The following CMC1 variants were observed in gnomAD, a reference collection of about 807,000 sequenced individuals.
CMC1 encodes the protein COX assembly mitochondrial protein homolog.
A neutral mutation model predicts 14.1 loss-of-function variants in CMC1; 14 were observed. The ratio of observed to expected loss-of-function variants is 0.99; its 90% CI spans 0.66 to 1.55. The LOEUF is 1.55. Among genes scored for constraint, CMC1 ranks in the 40% most tolerant of loss-of-function variants. CMC1 has a pLI of 0.00. For missense variants in CMC1, 127 were observed against 123.8 expected, an observed-to-expected ratio of 1.03 and a Z score of -0.12; for synonymous variants, 50 against 38.4, an observed-to-expected ratio of 1.30 and a Z score of -1.12.
At chr3:28,264,341 C>T (rs764545171) in intron 2 of CMC1, among the ~76,000 whole-genome samples, 3 of 152,108 alleles carry the variant, frequency 2.0e-5, no homozygotes, top group Non-Finnish European at 2.9e-5. Context: ...ATACTAGGAA[C>T]GCTTTTGTTC....
In CMC1 at chr3:28,283,552, A is replaced by G. The variant is rs1701013564; in HGVS notation, c.109+20172A>G. Among the ~76,000 whole-genome samples, 3 of 29,294 alleles carry G rather than the reference A, an allele frequency of 1.0e-4. No individual in the cohort carries two copies. In the Admixed American group the frequency reaches 1.2e-3, roughly 12 times the overall value. 19.2% of individuals were successfully genotyped at this position (29,294 alleles called of 152,430 possible). On this transcript the variant is annotated intron_variant, in intron 2 of 3. Coordinates refer to ENST00000466830, the MANE Select transcript of CMC1 (RefSeq NM_182523.2). The stretch of plus-strand genomic sequence containing the variant: ...CAACAACAACAACAACAACAAAAAC[A>G]AAAAAAAAAAAAAAAGAAAAGAAGA...
At chr3:28,275,222 C>T (rs901810090) in intron 2 of CMC1, among the ~76,000 whole-genome samples, 3 of 150,960 alleles carry the variant, frequency 2.0e-5, no homozygotes, top group South Asian at 2.1e-4. Context: ...TTCTCATTTT[C>T]ATGAGTTTAT....
intron 2 of CMC1, among the ~76,000 whole-genome samples, chr3:28,288,021 G>A (rs1250952976): frequency 6.6e-6 from 1 of 151,858 alleles, no homozygotes; most frequent in Non-Finnish European, 1.5e-5. Flanking sequence ...CATTTCAAAT[G>A]CTCAATAGCT....
intron 2 of CMC1, among the ~76,000 whole-genome samples, chr3:28,269,383 G>A (rs764370045): frequency 3.3e-5 from 5 of 152,144 alleles, no homozygotes; most frequent in Non-Finnish European, 7.3e-5. Flanking sequence ...AAATACCCTT[G>A]AATAAAATGG....
chr3:28,270,780 C>T (rs1288683525), intron 2 of CMC1, among the ~76,000 whole-genome samples: 1 of 151,924 alleles, frequency 6.6e-6, no homozygotes, highest in African/African-American at 2.4e-5. Flanking sequence ...TCAATTTTTG[C>T]TTTTGTTGCA....
chr3:28,319,206 GT>G (rs1186124154), intron 3 of CMC1: 1 of 466,592 alleles, frequency 2.1e-6, no homozygotes, highest in Non-Finnish European at 4.3e-6. Context: ...CCATACCTCT[GT>G]CACAGTATTT....
At chr3:28,279,823 T>C (rs1013751536) in intron 2 of CMC1, among the ~76,000 whole-genome samples, 1 of 152,200 alleles carries the variant, frequency 6.6e-6, no homozygotes, top group African/African-American at 2.4e-5. Context: ...AACCTTCATG[T>C]AAATGGAATG....
chr3:28,265,352 A>G lies in CMC1; in HGVS notation c.109+1972A>G. On this transcript the variant is annotated intron_variant, in intron 2 of 3. Coordinates refer to ENST00000466830, the MANE Select transcript of CMC1 (RefSeq NM_182523.2). ...TTCTAACCATATAAATTAGGAAATCATATACATTAGAATTATTCAAGCAGC... is the reference window on the plus strand; with the variant it reads ...TTCTAACCATATAAATTAGGAAATCGTATACATTAGAATTATTCAAGCAGC... 1.3e-5 allele frequency among the ~76,000 whole-genome samples: 2 copies of G among 152,164 alleles called. 1 individual carries two copies. The highest frequency in any genetic ancestry group is 2.9e-5 in the Non-Finnish European group (2 of 68,014).
At chr3:28,291,245 G>A (rs1391100106) in intron 2 of CMC1, among the ~76,000 whole-genome samples, 2 of 151,976 alleles carry the variant, frequency 1.3e-5, no homozygotes, top group African/African-American at 2.4e-5. Flanking sequence ...TAATGGGAGG[G>A]GTGACATGGA....
chr3:28,305,745 C>T (rs1393562281), intron 2 of CMC1, among the ~76,000 whole-genome samples: 1 of 139,686 alleles, frequency 7.2e-6, no homozygotes, highest in African/African-American at 2.7e-5. Flanking sequence ...AAATTTTTTG[C>T]CTAGGCCAGT....
At chr3:28,278,044 C>CTGATTATGTGATTGATG (rs1700672316) in intron 2 of CMC1, among the ~76,000 whole-genome samples, 1 of 143,618 alleles carries the variant, frequency 7.0e-6, no homozygotes, top group African/African-American at 2.6e-5. Context: ...CCATTTTTGT[C>CTGATTATGTGATTGATG]TGATTGTGTG....
At chr3:28,255,944 G>A (rs1158304411) in intron 1 of CMC1, among the ~76,000 whole-genome samples, 1 of 151,986 alleles carries the variant, frequency 6.6e-6, no homozygotes, top group Non-Finnish European at 1.5e-5. Flanking sequence ...TAGGGTCATT[G>A]AGAAATATAA....
chr3:28,262,839 A>T (rs1699802598), intron 1 of CMC1, among the ~76,000 whole-genome samples: 1 of 152,066 alleles, frequency 6.6e-6, no homozygotes, highest in Non-Finnish European at 1.5e-5. Flanking sequence ...TTGTAGTTCC[A>T]CCTTTTCTTC....
In CMC1 at chr3:28,247,730, G is replaced by T. The variant is rs181703119; in HGVS notation, c.19+5918G>T. On this transcript the variant is annotated intron_variant, in intron 1 of 3. Transcript: ENST00000466830. ...ATAGTGACAGGTCAGATAGGAATGG[G>T]TACTTGCACACATGTATACATACAC... 7.1e-4 allele frequency among the ~76,000 whole-genome samples: 108 copies of T among 152,316 alleles called. 1 individual carries two copies. In the East Asian group the frequency reaches 0.021, roughly 29 times the overall value.
chr3:28,305,779 A>ATTTTTTTTTTTTT lies in CMC1; in HGVS notation c.110-10535_110-10523dup, dbSNP rs71087685. Among the ~76,000 whole-genome samples, 10 of 43,570 alleles carry ATTTTTTTTTTTTT rather than the reference A, an allele frequency of 2.3e-4. 1 individual carries two copies. The highest frequency in any genetic ancestry group is 1.1e-3 in the African/African-American group (10 of 8,994). 28.6% of individuals were successfully genotyped at this position (43,570 alleles called of 152,430 possible). A position where few individuals can be genotyped will look rare whatever the true frequency, so the allele number is the denominator to read the frequency against. On this transcript the variant is annotated intron_variant, in intron 2 of 3. Transcript: ENST00000466830. ...GTGTCCAGAAGAGTTTTTCATAGGA[A>ATTTTTTTTTTTTT]TTTTTTTTTTTTTTTTTTTTTTTTT...
chr3:28,248,668 G>T (rs1698956919), intron 1 of CMC1, among the ~76,000 whole-genome samples: 1 of 152,134 alleles, frequency 6.6e-6, no homozygotes, highest in African/African-American at 2.4e-5. Context: ...TTCTGTAGAT[G>T]TCAAAAATAT....
At chr3:28,295,144 A>G (rs1037998074) in intron 2 of CMC1, among the ~76,000 whole-genome samples, 6 of 152,078 alleles carry the variant, frequency 3.9e-5, no homozygotes, top group Non-Finnish European at 8.8e-5. Context: ...AGCCATTTTT[A>G]ATGTATGTCT....
At chr3:28,249,811 A>T (rs1426785552) in intron 1 of CMC1, among the ~76,000 whole-genome samples, 1 of 151,848 alleles carries the variant, frequency 6.6e-6, no homozygotes, top group African/African-American at 2.4e-5. Context: ...ATGTACATTA[A>T]TTTTTTTTAC....
intron 1 of CMC1, among the ~76,000 whole-genome samples, chr3:28,253,478 G>A (rs35232922): frequency 0.2 from 30,085 of 152,042 alleles, 3,311 homozygotes; most frequent in Middle Eastern, 0.28. Flanking sequence ...CTACTTGGGA[G>A]GCTGAGATAG....
Sources: gnomAD v4.1 joint callset for allele counts (sites outside exome capture counted in the v4.1 genomes callset) on GRCh38, gnomAD v4.1.1 for gene constraint, MANE v1.5 for transcripts, NCBI Gene and HGNC (gene_info 2026-07-23, HGNC 2026-07-21) for gene names.